The following TRPC4 variants were observed in gnomAD, a reference collection of about 807,000 sequenced individuals.
TRPC4 encodes the protein transient receptor potential cation channel subfamily C member 4.
Under a neutral mutation model 99.4 loss-of-function variants are expected in TRPC4, and 49 were observed. That is an observed-to-expected ratio of 0.49 (90% confidence interval 0.39 to 0.63). The LOEUF (loss-of-function observed/expected upper bound fraction) is 0.63. Among genes scored for constraint, TRPC4 ranks in the 20% least tolerant of loss-of-function variants. The pLI, the probability that TRPC4 is intolerant of heterozygous loss-of-function variation, is 0.00. For synonymous variants in TRPC4, 454 were observed against 425.9 expected, an observed-to-expected ratio of 1.07 and a Z score of -0.81; for missense variants, 898 against 1,152.9, an observed-to-expected ratio of 0.78 and a Z score of 3.20.
intron 2 of TRPC4, among the ~76,000 whole-genome samples, chr13:37,757,419 G>A (rs1048272547): frequency 6.6e-6 from 1 of 151,974 alleles, no homozygotes; most frequent in Non-Finnish European, 1.5e-5. Flanking sequence ...AAGCTCTTAA[G>A]TCTAAGTAAA....
intron 1 of TRPC4, among the ~76,000 whole-genome samples, chr13:37,792,414 C>T (rs1008917452): frequency 3.3e-5 from 5 of 152,096 alleles, no homozygotes; most frequent in East Asian, 1.9e-4. Flanking sequence ...GATGTATATA[C>T]GATGTAAAAA....
At chr13:37,831,540 A>G (rs1958421649) in intron 1 of TRPC4, among the ~76,000 whole-genome samples, 1 of 152,304 alleles carries the variant, frequency 6.6e-6, no homozygotes, top group African/African-American at 2.4e-5. Flanking sequence ...GTATACACTC[A>G]AAGGAACTGA....
chr13:37,767,142 T>C (rs973346344), intron 2 of TRPC4, among the ~76,000 whole-genome samples: 7 of 151,350 alleles, frequency 4.6e-5, no homozygotes, highest in African/African-American at 1.7e-4. Flanking sequence ...TGCCAGTGTA[T>C]TTAATAATTT....
intron 1 of TRPC4, among the ~76,000 whole-genome samples, chr13:37,826,228 A>G (rs1377677110): frequency 6.3e-5 from 6 of 94,622 alleles, no homozygotes; most frequent in Admixed American, 1.3e-4. Context: ...TCTTTATCCA[A>G]TTTGCCAGTC....
At chr13:37,713,049 A>C (rs1954536360) in intron 3 of TRPC4, among the ~76,000 whole-genome samples, 1 of 152,190 alleles carries the variant, frequency 6.6e-6, no homozygotes. Context: ...TTCAAAAATC[A>C]TCAAGCATTT....
intron 1 of TRPC4, among the ~76,000 whole-genome samples, chr13:37,856,008 T>C (rs1333106456): frequency 6.6e-6 from 1 of 150,832 alleles, no homozygotes; most frequent in Non-Finnish European, 1.5e-5. Context: ...CCAAAATTAG[T>C]AGAAAAAAAG....
chr13:37,739,360 C>T (rs1352307243), intron 3 of TRPC4, among the ~76,000 whole-genome samples: 3 of 152,082 alleles, frequency 2.0e-5, no homozygotes, highest in Non-Finnish European at 4.4e-5. Flanking sequence ...GCATTACCAA[C>T]TTTACTTACA....
At chr13:37,864,773 G>A (rs553447424) in intron 1 of TRPC4, among the ~76,000 whole-genome samples, 39 of 151,590 alleles carry the variant, frequency 2.6e-4, no homozygotes, top group Middle Eastern at 3.4e-3. Context: ...TCAAGGATAC[G>A]GTCATATTGG....
intron 3 of TRPC4, among the ~76,000 whole-genome samples, chr13:37,724,438 T>C (rs1377456443): frequency 6.6e-6 from 1 of 152,196 alleles, no homozygotes; most frequent in Non-Finnish European, 1.5e-5. Flanking sequence ...TTCATGCCTT[T>C]AAATCATTTT....
At chr13:37,693,292 A>G (rs903248260) in intron 3 of TRPC4, among the ~76,000 whole-genome samples, 1 of 152,144 alleles carries the variant, frequency 6.6e-6, no homozygotes, top group East Asian at 1.9e-4. Flanking sequence ...TATAAGTAGA[A>G]AAAGAAGATG....
intron 1 of TRPC4, among the ~76,000 whole-genome samples, chr13:37,858,319 A>T (rs1233346761): frequency 2.0e-5 from 3 of 151,748 alleles, no homozygotes; most frequent in Non-Finnish European, 3.0e-5. Flanking sequence ...TGTGGGTGGG[A>T]ATGTACATTA....
At chr13:37,744,085 G>A (rs148826592) in intron 3 of TRPC4, among the ~76,000 whole-genome samples, 1 of 152,220 alleles carries the variant, frequency 6.6e-6, no homozygotes, top group East Asian at 1.9e-4. Flanking sequence ...AACATTTGTA[G>A]GATAATATTA....
chr13:37,701,899 T>A (rs1954114130), intron 3 of TRPC4, among the ~76,000 whole-genome samples: 1 of 152,182 alleles, frequency 6.6e-6, no homozygotes, highest in Admixed American at 6.5e-5. Context: ...TTGTGTTAGT[T>A]CCTAAGGGCT....
chr13:37,826,593 A>G (rs1383805318), intron 1 of TRPC4, among the ~76,000 whole-genome samples: 2 of 151,874 alleles, frequency 1.3e-5, no homozygotes, highest in Non-Finnish European at 2.9e-5. Context: ...AGAATGTTGA[A>G]TATTGGTCCC....
intron 2 of TRPC4, among the ~76,000 whole-genome samples, chr13:37,748,584 C>T (rs956695973): frequency 6.6e-6 from 1 of 151,370 alleles, no homozygotes; most frequent in Admixed American, 6.6e-5. Flanking sequence ...AGTTTTAATA[C>T]TCAATAAACC....
chr13:37,787,003 TTTTC>T (rs1371794516), intron 1 of TRPC4, among the ~76,000 whole-genome samples: 2 of 151,856 alleles, frequency 1.3e-5, no homozygotes, highest in Admixed American at 6.6e-5. Context: ...AAAACTACAG[TTTTC>T]TAAGCAACAT....
intron 1 of TRPC4, among the ~76,000 whole-genome samples, chr13:37,827,505 C>G (rs36015909): frequency 9.9e-5 from 15 of 151,718 alleles, no homozygotes; most frequent in African/African-American, 3.6e-4. Flanking sequence ...GGACCCTCAG[C>G]TGCAGGTCTG....
chr13:37,697,421 T>C (rs1490900170), intron 3 of TRPC4, among the ~76,000 whole-genome samples: 15 of 152,196 alleles, frequency 9.9e-5, no homozygotes, highest in Admixed American at 9.8e-4. Flanking sequence ...AAATAACAGA[T>C]AGATTTCGAC....
intron 1 of TRPC4, among the ~76,000 whole-genome samples, chr13:37,834,978 G>C (rs1958524469): frequency 6.6e-6 from 1 of 151,812 alleles, no homozygotes; most frequent in African/African-American, 2.4e-5. Context: ...CAAGTGATCT[G>C]CCTGTATTGG....
Sources: allele counts gnomAD v4.1 joint callset (sites outside exome capture counted in the v4.1 genomes callset), GRCh38; gene constraint gnomAD v4.1.1; transcripts MANE v1.5; gene names NCBI Gene and HGNC (gene_info 2026-07-23, HGNC 2026-07-21).